The following DNAH10 variants were observed in gnomAD, a reference collection of about 807,000 sequenced individuals.
DNAH10 encodes dynein axonemal heavy chain 10, also known as axonemal beta dynein heavy chain 10.
A neutral mutation model predicts 506.6 loss-of-function variants in DNAH10; 348 were observed. That is an observed-to-expected ratio of 0.69 (90% CI 0.63 to 0.75). The LOEUF is 0.75. DNAH10 is among the 30% of genes least tolerant of loss of function. The pLI is 0.00. For synonymous variants in DNAH10, 2,059 were observed against 2,198.6 expected (o/e 0.94, Z 1.78); for missense variants, 5,179 against 5,787.1 (o/e 0.89, Z 3.41).
In DNAH10 at chr12:123,785,959, T is replaced by TATTTG; in HGVS notation, c.1421+23_1421+24insATTTG. 6.3e-7 allele frequency: 1 copy of TATTTG among 1,596,470 alleles called. No homozygotes were observed. The highest frequency in any genetic ancestry group is 8.6e-7 in the Non-Finnish European group (1 of 1,167,084). On this transcript the variant is annotated intron_variant, in intron 9 of 78. Transcript: ENST00000673944. This position sits in a 1 kb window ranked among gnomAD's most constrained non-coding sequence, Gnocchi z 4.1. ...CAAGTAAGAAGCCATGGCGTTCATT[T>TATTTG]TTTTGTTTTGTTTTGTTTCACTTTT...
intron 52 of DNAH10, among the ~76,000 whole-genome samples, chr12:123,891,945 T>C (rs934843458): frequency 7.2e-5 from 11 of 152,198 alleles, no homozygotes; most frequent in African/African-American, 2.7e-4. Context: ...AACATTGAGT[T>C]GTGGCAACTC....
intron 24 of DNAH10, among the ~76,000 whole-genome samples, chr12:123,825,231 GA>G (rs145010531): frequency 0.12 from 18,028 of 152,118 alleles, 1,240 homozygotes; most frequent in African/African-American, 0.19. Flanking sequence ...ACTGCAACAA[GA>G]AAAAAATCAA....
chr12:123,902,818 C>A lies in DNAH10; in HGVS notation c.9641-121C>A. On this transcript the variant is annotated intron_variant, in intron 56 of 78. Coordinates refer to ENST00000673944, the MANE Select transcript of DNAH10 (RefSeq NM_001372106.1). The surrounding 1 kb of genome is among the most constrained non-coding windows in gnomAD (Gnocchi z 4.5). ...ACTGAGGCTGCCACATTGGCCAGAG[C>A]CCCTTAGATCCCCGCTAGGGCTCAA... 7.8e-7 allele frequency: 1 copy of A among 1,274,990 alleles called. No homozygotes were observed. The highest frequency in any genetic ancestry group is 1.1e-6 in the Non-Finnish European group (1 of 946,794). 79.0% of individuals were successfully genotyped at this position (1,274,990 alleles called of 1,614,324 possible).
rs1300561792 is a variant in DNAH10 at position 123,780,473 on chromosome 12, CCA to C, written c.622-604_622-603del. Among the ~76,000 whole-genome samples the C allele has an allele frequency of 2.6e-5, 4 of 151,610 alleles. No individual in the cohort carries two copies. The East Asian group carries it at 7.8e-4, about 30-fold the overall frequency. On this transcript the variant is annotated intron_variant, in intron 5 of 78. Coordinates refer to ENST00000673944, the MANE Select transcript of DNAH10 (RefSeq NM_001372106.1). ...GAGCCACCGCAGCCAGCTCCCTGTG[CCA>C]CAGTTTGTAACTTCTCAGTTACTGG...
intron 65 of DNAH10, 95 bp from the exon 66 acceptor site, chr12:123,923,668 C>G: frequency 1.3e-6 from 1 of 769,798 alleles, no homozygotes; most frequent in Non-Finnish European, 2.1e-6. Context: ...TCGAGTGTTT[C>G]ATTTATCTTA....
chr12:123,893,086 G>C (rs1277284703), intron 52 of DNAH10, 147 bp from the exon 53 acceptor site: 7 of 805,732 alleles, frequency 8.7e-6, no homozygotes, highest in Non-Finnish European at 1.4e-5. Context: ...AGGTGGCAGG[G>C]AGCCTCGGGT....
chr12:123,794,612 G>A (rs1461268318), intron 12 of DNAH10, among the ~76,000 whole-genome samples: 1 of 152,132 alleles, frequency 6.6e-6, no homozygotes, highest in Non-Finnish European at 1.5e-5. Context: ...TTGGGAGGCC[G>A]AGGCCAGCGG....
In DNAH10 at chr12:123,848,080, A is replaced by G. The variant is rs1490290954; in HGVS notation, c.5934A>G (p.Glu1978=). The part of the protein sequence containing the change: ...GLLCVVTNCG[E]GMDYRAVGKI... The stretch of plus-strand genomic sequence containing the variant: ...TCTGTGTTGTCACCAACTGTGGCGA[A>G]GGCATGGATTACAGGGTAAGGCCTG... Residue 1978 remains glutamate, a synonymous_variant, in exon 33 of 79, where the codon GAA becomes GAG. Coordinates refer to ENST00000673944, the MANE Select transcript of DNAH10 (RefSeq NM_001372106.1). 1.2e-6 allele frequency: 2 copies of G among 1,613,756 alleles called. No individual in the cohort carries two copies. The highest frequency in any genetic ancestry group is 1.7e-6 in the Non-Finnish European group (2 of 1,179,716).
chr12:123,929,091 G>C, intron 70 of DNAH10, 184 bp from the exon 71 acceptor site: 1 of 637,800 alleles, frequency 1.6e-6, no homozygotes, highest in Non-Finnish European at 2.7e-6. Context: ...TTGACCCTGA[G>C]AGCCAGAACA....
At chr12:123,837,229 A>C (rs1467105024) in intron 28 of DNAH10, among the ~76,000 whole-genome samples, 3 of 150,878 alleles carry the variant, frequency 2.0e-5, no homozygotes, top group Admixed American at 1.3e-4. Context: ...CTGTAATCCC[A>C]GCTACTCGGG....
chr12:123,796,194 C>T (rs1166472377), intron 12 of DNAH10, among the ~76,000 whole-genome samples: 4 of 152,220 alleles, frequency 2.6e-5, no homozygotes, highest in African/African-American at 4.8e-5. Context: ...CGGTGGCTCA[C>T]GCCTGTCCTC....
chr12:123,909,424 C>T lies in DNAH10; in HGVS notation c.9979C>T (p.Gln3327Ter), dbSNP rs757403579. Residue 3327 changes from glutamine (Q) to a stop codon, truncating the protein, a stop_gained, in exon 58 of 79, where the codon CAA becomes TAA. Coordinates refer to ENST00000673944, the MANE Select transcript of DNAH10 (RefSeq NM_001372106.1). LOFTEE classifies it high-confidence loss of function. The surrounding 1 kb of genome is among the most constrained non-coding windows in gnomAD (Gnocchi z 5.4). ...EIDFDSITQS[Q>*]VKNIKGLLKT... ...TGATTTTGATTCGATTACCCAGAGC[C>T]AAGTGAAAAACATCAAAGGTGAGTG... The T allele has an allele frequency of 6.3e-7, 1 of 1,598,526 alleles. No individual in the cohort carries two copies. Among genetic ancestry groups the T allele is most frequent in the East Asian group, 2.2e-5 (1 of 44,568 alleles).
In DNAH10 at chr12:123,902,960, C is replaced by T. The variant is rs771739169; in HGVS notation, c.9662C>T (p.Ala3221Val). 2.5e-6 allele frequency: 4 copies of T among 1,589,364 alleles called. No individual in the cohort carries two copies. Among genetic ancestry groups the T allele is most frequent in the Non-Finnish European group, 3.4e-6 (4 of 1,168,310 alleles). The change falls in exon 57 of 79, where the codon GCA (alanine) becomes GTA (valine). Residue 3221 changes from alanine to valine, a missense_variant. Physicochemically the swap from Ala to Val is moderately conservative, Grantham distance 64. This residue lies in a region of DNAH10 where 4,844 missense variants were observed against 5,430.5 expected (regional missense o/e 0.89). Coordinates refer to ENST00000673944, the MANE Select transcript of DNAH10 (RefSeq NM_001372106.1). This position sits in a 1 kb window ranked among gnomAD's most constrained non-coding sequence, Gnocchi z 4.5. ...TAVAEEKKKL[A>V]EEKAMEIEEQ... is the part of the protein sequence containing the mutation. ...GCAGCCGAGGAGAAGAAGAAACTGG[C>T]AGAGGAAAAGGCCATGGAGATAGAG... is the stretch of plus-strand genomic sequence containing the variant.
intron 5 of DNAH10, among the ~76,000 whole-genome samples, chr12:123,780,043 C>A (rs1957583303): frequency 6.6e-6 from 1 of 152,104 alleles, no homozygotes; most frequent in Non-Finnish European, 1.5e-5. Flanking sequence ...TTTGAAGAAA[C>A]TATGTCCTCA....
In DNAH10 at chr12:123,917,862, G is replaced by A. The variant is rs1181894330; in HGVS notation, c.11232+49G>A. The stretch of plus-strand genomic sequence containing the variant: ...CGTGAGTCAGGCGGGGCCTGCATGC[G>A]CCGTTGGAGCGTCCATTTCTCTGTC... On this transcript the variant is annotated intron_variant, in intron 64 of 78. Coordinates refer to ENST00000673944, the MANE Select transcript of DNAH10 (RefSeq NM_001372106.1). This position sits in a 1 kb window ranked among gnomAD's most constrained non-coding sequence, Gnocchi z 5.6. The A allele has an allele frequency of 2.2e-5, 33 of 1,525,814 alleles. No homozygotes were observed. The highest frequency in any genetic ancestry group is 4.1e-5 in the African/African-American group (3 of 72,338). 94.5% of individuals were successfully genotyped at this position (1,525,814 alleles called of 1,614,324 possible).
intron 18 of DNAH10, among the ~76,000 whole-genome samples, chr12:123,806,544 T>C (rs1173874871): frequency 2.0e-5 from 3 of 152,202 alleles, no homozygotes; most frequent in Non-Finnish European, 4.4e-5. Context: ...CTTTGTGAGC[T>C]GCTAAAAATC....
intron 28 of DNAH10, among the ~76,000 whole-genome samples, chr12:123,836,144 C>T (rs1961107165): frequency 6.6e-6 from 1 of 152,070 alleles, no homozygotes; most frequent in African/African-American, 2.4e-5. Flanking sequence ...TTTAACATGT[C>T]AATATATTCC....
At chr12:123,883,438 C>T (rs1952597185) in intron 51 of DNAH10, among the ~76,000 whole-genome samples, 2 of 152,188 alleles carry the variant, frequency 1.3e-5, no homozygotes. Flanking sequence ...AGACACTATG[C>T]ATTGAGATGT....
Position 123,804,836 on chromosome 12 carries a change from T to C in DNAH10, c.2783T>C (p.Val928Ala). 6.2e-7 allele frequency: 1 copy of C among 1,609,020 alleles called. No individual in the cohort carries two copies. Among genetic ancestry groups the C allele is most frequent in the Non-Finnish European group, 8.5e-7 (1 of 1,177,306 alleles). ...AAKSEEELPG[V>A]KEFFEHIERE... ...TAACAGACATCTTTCTCTCCAGGCG[T>C]GAAGGAATTTTTTGAACACATTGAG... The change falls in exon 18 of 79, where the codon GTG becomes GCG. Residue 928 changes from valine (V) to alanine (A), a missense_variant. Val to Ala is a moderately conservative substitution (Grantham distance 64). Transcript: ENST00000673944.
Sources: gnomAD v4.1 joint callset for allele counts (sites outside exome capture counted in the v4.1 genomes callset) on GRCh38, gnomAD v4.1.1 for gene constraint, gnomAD v4.1.1 regional missense constraint, Gnocchi (gnomAD v3.1) non-coding constraint, MANE v1.5 for transcripts, NCBI Gene and HGNC (gene_info 2026-07-23, HGNC 2026-07-21) for gene names.